Variants in EPHX1 observed in about 807,000 individuals in gnomAD.
The protein encoded by EPHX1 is epoxide hydratase.
A neutral mutation model predicts 43.2 loss-of-function variants in EPHX1; 40 were observed. The observed-to-expected ratio is 0.93, with a 90% CI of 0.72 to 1.21. The LOEUF (loss-of-function observed/expected upper bound fraction) is 1.21. Ranked by LOEUF, EPHX1 falls within the 50% of genes most tolerant of loss-of-function variation. The probability of loss-of-function intolerance (pLI) is 0.00; values close to 1 mark genes in which losing one functional copy is unlikely to be tolerated. For missense variants in EPHX1, 550 were observed against 570.4 expected, an observed-to-expected ratio of 0.96 and a Z score of 0.36; for synonymous variants, 221 against 226.7, an observed-to-expected ratio of 0.98 and a Z score of 0.22.
intron 1 of EPHX1, among the ~76,000 whole-genome samples, chr1:225,814,188 G>A (rs1666614922): frequency 6.6e-6 from 1 of 152,278 alleles, no homozygotes. Context: ...GATCACTTGA[G>A]CCCAGGAGTT....
chr1:225,843,554 C>A (rs45494695), intron 7 of EPHX1, among the ~76,000 whole-genome samples: 2 of 152,170 alleles, frequency 1.3e-5, no homozygotes, highest in African/African-American at 4.8e-5. Context: ...GGGGGTCTGG[C>A]CTGCTCCTTG....
At chr1:225,825,979 A>G (rs1575996797) in intron 1 of EPHX1, among the ~76,000 whole-genome samples, 1 of 152,250 alleles carries the variant, frequency 6.6e-6, no homozygotes, top group Non-Finnish European at 1.5e-5. Context: ...TGGCAGAGAC[A>G]TAACGTCTTT....
intron 1 of EPHX1, among the ~76,000 whole-genome samples, chr1:225,818,304 A>C (rs1666818387): frequency 6.6e-6 from 1 of 152,250 alleles, no homozygotes; most frequent in African/African-American, 2.4e-5. Context: ...CTGAGAGTCC[A>C]GATGGGAGCC....
chr1:225,810,223 G>T (rs1293582356), intron 1 of EPHX1, 54 bp downstream of exon 1: 1 of 151,340 alleles, frequency 6.6e-6, no homozygotes, highest in Admixed American at 6.6e-5. Context: ...ACGCGGTTCG[G>T]GCTCCGCGCG....
At chr1:225,845,039 TG>T in intron 8 of EPHX1, 106 bp from the exon 9 acceptor site, 2 of 1,187,368 alleles carry the variant, frequency 1.7e-6, no homozygotes, top group Non-Finnish European at 1.2e-6. Context: ...TGGCTCCTTG[TG>T]GGTGGGCCAG....
chr1:225,845,028 A>T, intron 8 of EPHX1, 118 bp from the exon 9 acceptor site: 1 of 1,107,224 alleles, frequency 9.0e-7, no homozygotes, highest in Non-Finnish European at 1.4e-6. Context: ...CCTTTTCTTT[A>T]TGGCTCCTTG....
chr1:225,836,430 C>CA (rs371921544), intron 3 of EPHX1, among the ~76,000 whole-genome samples: 100 of 150,700 alleles, frequency 6.6e-4, no homozygotes, highest in East Asian at 6.0e-3. Context: ...CCCTTCTCTA[C>CA]AAAAAAAAAT....
At chr1:225,832,239 G>A in intron 3 of EPHX1, 1 of 433,128 alleles carries the variant, frequency 2.3e-6, no homozygotes, top group East Asian at 5.1e-5. Flanking sequence ...AGGAAGGATG[G>A]AGATGAGATT....
chr1:225,842,281 C>T (rs1216049065), intron 6 of EPHX1, 85 bp from the exon 7 acceptor site: 4 of 1,031,532 alleles, frequency 3.9e-6, no homozygotes, highest in African/African-American at 1.6e-5. Context: ...CCGCCCTCTG[C>T]GGCCAGTGCC....
intron 4 of EPHX1, 23 bp downstream of exon 4, chr1:225,838,904 A>C (rs751801056): frequency 1.1e-5 from 17 of 1,608,858 alleles, no homozygotes; most frequent in Non-Finnish European, 1.4e-5. Flanking sequence ...TAGAGGTTCC[A>C]TAACTGCCCC....
chr1:225,812,522 T>C (rs1666534414), intron 1 of EPHX1, among the ~76,000 whole-genome samples: 1 of 152,158 alleles, frequency 6.6e-6, no homozygotes, highest in African/African-American at 2.4e-5. Flanking sequence ...TCCTGCCTGA[T>C]GTCTTAAGCA....
intron 1 of EPHX1, among the ~76,000 whole-genome samples, chr1:225,814,076 C>T (rs1666610098): frequency 1.3e-5 from 2 of 152,228 alleles, no homozygotes; most frequent in South Asian, 4.1e-4. Flanking sequence ...AACTACTTCA[C>T]ATATCTGAGC....
rs752101788 is a variant in EPHX1 at position 225,831,891 on chromosome 1, A to G, written c.296A>G (p.Asn99Ser). The G allele has an allele frequency of 6.2e-7, 1 of 1,614,188 alleles. No individual in the cohort carries two copies. The highest frequency in any genetic ancestry group is 8.5e-7 in the Non-Finnish European group (1 of 1,180,034). ...AAGAAAGTCATCTCCTACTGGCGGA[A>G]TGAATTTGACTGGAAGAAGCAGGTG... is the stretch of plus-strand genomic sequence containing the variant. Reference protein sequence around the residue: ...YLKKVISYWRNEFDWKKQVEI... With the variant: ...YLKKVISYWRSEFDWKKQVEI... The change falls in exon 3 of 9, where the codon AAT becomes AGT. Residue 99 changes from asparagine (N) to serine (S), a missense_variant. Asn to Ser is a conservative substitution (Grantham distance 46, BLOSUM62 1). Transcript: ENST00000272167.
chr1:225,812,431 C>T (rs1575970618), intron 1 of EPHX1, among the ~76,000 whole-genome samples: 1 of 152,172 alleles, frequency 6.6e-6, no homozygotes, highest in East Asian at 1.9e-4. Context: ...TGAATGAGGG[C>T]TCTGTGGGCA....
At chr1:225,813,882 G>A (rs989590629) in intron 1 of EPHX1, among the ~76,000 whole-genome samples, 2 of 152,180 alleles carry the variant, frequency 1.3e-5, no homozygotes, top group Non-Finnish European at 2.9e-5. Flanking sequence ...CAGAAGAGGG[G>A]AAAGTGTTCT....
At chr1:225,824,147 C>A (rs978907216) in intron 1 of EPHX1, among the ~76,000 whole-genome samples, 3 of 152,178 alleles carry the variant, frequency 2.0e-5, no homozygotes, top group Non-Finnish European at 4.4e-5. Context: ...CGCCCACCCC[C>A]GCCGCCCCCG....
intron 3 of EPHX1, 111 bp from the exon 4 acceptor site, chr1:225,838,543 C>CG: frequency 1.1e-6 from 1 of 871,550 alleles, no homozygotes; most frequent in South Asian, 1.5e-5. Context: ...GAAGGGGCGG[C>CG]GGGGGCACTA....
intron 3 of EPHX1, among the ~76,000 whole-genome samples, chr1:225,833,601 G>C (rs945488831): frequency 1.6e-4 from 24 of 149,636 alleles, no homozygotes; most frequent in Non-Finnish European, 3.4e-4. Context: ...TGAGACCATC[G>C]TAGCTAACAC....
In EPHX1 at chr1:225,838,824, G is replaced by T. The variant is rs371520880; in HGVS notation, c.535G>T (p.Glu179Ter). ...NHGLSDEHVF[E>*]VICPSIPGYG... ...TGGCCTGAGCGATGAGCACGTTTTT[G>T]AAGTCATCTGCCCTTCCATCCCTGG... Residue 179 changes from glutamate to a stop codon, truncating the protein, a stop_gained, in exon 4 of 9, where the codon GAA becomes TAA. Transcript: ENST00000272167. LOFTEE classifies it high-confidence loss of function. The T allele has an allele frequency of 2.5e-5, 41 of 1,614,080 alleles. No individual in the cohort carries two copies. The highest frequency in any genetic ancestry group is 3.1e-5 in the Non-Finnish European group (37 of 1,180,044).
Sources: gnomAD v4.1 joint callset for allele counts (sites outside exome capture counted in the v4.1 genomes callset) on GRCh38, gnomAD v4.1.1 for gene constraint, MANE v1.5 for transcripts, NCBI Gene and HGNC (gene_info 2026-07-23, HGNC 2026-07-21) for gene names.